The following KCNMA1 variants were observed in gnomAD, a reference collection of about 807,000 sequenced individuals.
The protein encoded by KCNMA1 is potassium calcium-activated channel subfamily M alpha 1, also known as Calcium-activated potassium channel subunit alpha-1.
In KCNMA1, 29 loss-of-function variants were observed where a neutral mutation model predicts 140.0. That is an observed-to-expected ratio of 0.21 (90% CI 0.15 to 0.28). The LOEUF (loss-of-function observed/expected upper bound fraction) is 0.28, where lower values mean the gene tolerates loss of function less well. KCNMA1 is among the 10% of genes least tolerant of loss of function. The pLI, the probability that KCNMA1 is intolerant of heterozygous loss-of-function variation, is 1.00. For synonymous variants in KCNMA1, 612 were observed against 611.9 expected, an observed-to-expected ratio of 1.00 and a Z score of 0.00; for missense variants, 880 against 1,602.2, an observed-to-expected ratio of 0.55 and a Z score of 7.70.
intron 15 of KCNMA1, among the ~76,000 whole-genome samples, chr10:77,036,408 A>G (rs1243914689): frequency 6.6e-6 from 1 of 152,170 alleles, no homozygotes; most frequent in Non-Finnish European, 1.5e-5. Flanking sequence ...TGACTCCCCT[A>G]GCTTCTGAGA....
chr10:77,443,767 G>A (rs1239868481), intron 1 of KCNMA1, among the ~76,000 whole-genome samples: 2 of 152,156 alleles, frequency 1.3e-5, no homozygotes, highest in Non-Finnish European at 2.9e-5. Flanking sequence ...ACAATCTTTG[G>A]ATAGATTTGT....
intron 1 of KCNMA1, among the ~76,000 whole-genome samples, chr10:77,445,406 TA>T (rs939282818): frequency 7.2e-6 from 1 of 138,478 alleles, no homozygotes; most frequent in East Asian, 2.1e-4. Flanking sequence ...ATATGAAAAA[TA>T]AAAAAAATCT....
intron 19 of KCNMA1, among the ~76,000 whole-genome samples, chr10:76,984,069 T>TA (rs2080436861): frequency 6.6e-6 from 1 of 152,328 alleles, no homozygotes; most frequent in Non-Finnish European, 1.5e-5. Flanking sequence ...AAAGTCTTCC[T>TA]AAAAAACAGA....
At chr10:77,156,320 C>T (rs2098483906) in intron 5 of KCNMA1, among the ~76,000 whole-genome samples, 2 of 151,460 alleles carry the variant, frequency 1.3e-5, no homozygotes, top group Non-Finnish European at 2.9e-5. Context: ...TTCATATCAG[C>T]ATGTCTTAGG....
intron 5 of KCNMA1, among the ~76,000 whole-genome samples, chr10:77,167,461 T>A (rs901925118): frequency 1.3e-5 from 2 of 152,120 alleles, no homozygotes; most frequent in South Asian, 4.1e-4. Context: ...ATCTTTCCTA[T>A]AGTAGGGCTA....
intron 18 of KCNMA1, among the ~76,000 whole-genome samples, chr10:77,007,754 C>T (rs1456212535): frequency 6.7e-6 from 1 of 149,240 alleles, no homozygotes; most frequent in Non-Finnish European, 1.5e-5. Flanking sequence ...ACAAAGGAGA[C>T]CAAGTATAAT....
chr10:76,910,450 G>T, intron 24 of KCNMA1: 1 of 330,386 alleles, frequency 3.0e-6, no homozygotes, highest in Non-Finnish European at 5.9e-6. Context: ...TTTGAGAGAT[G>T]GACATATTTC....
In KCNMA1 at chr10:77,269,220, T is replaced by C. The variant is rs75012313; in HGVS notation, c.541-17964A>G. ...TCAATTTTACCTTAACTCTCTTTCTTGGACTTCTTAAAAAGCACAAGGAAT... is the reference window on the plus strand; with the variant it reads ...TCAATTTTACCTTAACTCTCTTTCTCGGACTTCTTAAAAAGCACAAGGAAT... On this transcript the variant is annotated intron_variant, in intron 2 of 27. Coordinates refer to ENST00000286628, the MANE Select transcript of KCNMA1 (RefSeq NM_001161352.2). Among the ~76,000 whole-genome samples, 818 of 152,328 alleles carry C rather than the reference T, an allele frequency of 5.4e-3. 3 individuals are homozygous for C. The highest frequency in any genetic ancestry group is 0.019 in the African/African-American group (779 of 41,582).
chr10:77,159,929 C>T (rs546275600), intron 5 of KCNMA1, among the ~76,000 whole-genome samples: 1 of 152,290 alleles, frequency 6.6e-6, no homozygotes, highest in Admixed American at 6.5e-5. Flanking sequence ...ATTGAGGGTT[C>T]CTTTTAGTAA....
At chr10:77,018,647 AGT>A (rs1375405041) in intron 17 of KCNMA1, among the ~76,000 whole-genome samples, 20 of 152,184 alleles carry the variant, frequency 1.3e-4, no homozygotes, top group Admixed American at 1.3e-3. Flanking sequence ...ATAATTCTCA[AGT>A]AAATTTCCCA....
At chr10:77,458,570 C>T (rs2154523041) in intron 1 of KCNMA1, among the ~76,000 whole-genome samples, 1 of 152,358 alleles carries the variant, frequency 6.6e-6, no homozygotes, top group African/African-American at 2.4e-5. Flanking sequence ...AAAATACTGA[C>T]ATTCAACCAT....
At chr10:77,182,889 C>T (rs1014025429) in intron 5 of KCNMA1, among the ~76,000 whole-genome samples, 2 of 152,170 alleles carry the variant, frequency 1.3e-5, no homozygotes, top group African/African-American at 4.8e-5. Flanking sequence ...GCAGCACTCT[C>T]CCCTTAACAC....
At position 77,090,389 on chromosome 10, in the gene KCNMA1, G is replaced by T; in HGVS notation, c.1334+11C>A. 6.4e-7 allele frequency: 1 copy of T among 1,561,498 alleles called. No individual in the cohort carries two copies. Among genetic ancestry groups the T allele is most frequent in the Admixed American group, 1.7e-5 (1 of 59,940 alleles). ...TGGGCAGAGGGTCTGACAGCAGTAG[G>T]AAGCTCTTACTTGTGAAGAAAAACG... is the stretch of plus-strand genomic sequence containing the variant. On this transcript the variant is annotated intron_variant, in intron 10 of 27. Transcript: ENST00000286628.
intron 5 of KCNMA1, among the ~76,000 whole-genome samples, chr10:77,179,138 C>G (rs966416782): frequency 6.6e-6 from 1 of 152,150 alleles, no homozygotes; most frequent in Admixed American, 6.5e-5. Flanking sequence ...CACATTACCT[C>G]GGTGAATCCC....
chr10:77,027,213 A>G (rs559748370), intron 16 of KCNMA1, among the ~76,000 whole-genome samples: 12 of 152,318 alleles, frequency 7.9e-5, no homozygotes, highest in African/African-American at 2.9e-4. Context: ...TATCTATTTC[A>G]ACCAGACCCA....
intron 23 of KCNMA1, chr10:76,939,765 G>T (rs1320472829): frequency 6.6e-6 from 1 of 152,166 alleles, no homozygotes; most frequent in Non-Finnish European, 1.5e-5. Context: ...AAATGCCATG[G>T]CATGCTCCCT....
At chr10:77,466,386 C>G (rs2098013909) in intron 1 of KCNMA1, among the ~76,000 whole-genome samples, 1 of 152,186 alleles carries the variant, frequency 6.6e-6, no homozygotes, top group South Asian at 2.1e-4. Flanking sequence ...CCATGTATCT[C>G]AGAGGATGGT....
intron 2 of KCNMA1, chr10:77,314,239 G>A (rs1287211589): frequency 6.6e-6 from 1 of 152,264 alleles, no homozygotes; most frequent in African/African-American, 2.4e-5. Flanking sequence ...GATTTTCACT[G>A]CCCTCAGAGG....
intron 2 of KCNMA1, among the ~76,000 whole-genome samples, chr10:77,396,769 A>G (rs2096069824): frequency 6.6e-6 from 1 of 152,244 alleles, no homozygotes; most frequent in Non-Finnish European, 1.5e-5. Flanking sequence ...TATACATTCA[A>G]GCAAGTAGCA....
Sources: gnomAD v4.1 joint callset for allele counts (sites outside exome capture counted in the v4.1 genomes callset) on GRCh38, gnomAD v4.1.1 for gene constraint, MANE v1.5 for transcripts, NCBI Gene and HGNC (gene_info 2026-07-23, HGNC 2026-07-21) for gene names.